MMP14: variants seen among roughly 807,000 people sequenced by gnomAD.
The protein encoded by MMP14 is matrix metalloproteinase-14.
MMP14 carries 13 observed loss-of-function variants against 64.8 expected under a neutral mutation model. The observed-to-expected ratio is 0.20, with a 90% CI of 0.13 to 0.32. The LOEUF is 0.32. Ranked by LOEUF, MMP14 falls within the 10% of genes least tolerant of loss-of-function variation. The pLI is 1.00. For synonymous variants in MMP14, 322 were observed against 315.9 expected, an observed-to-expected ratio of 1.02 and a Z score of -0.20; for missense variants, 594 against 783.8, an observed-to-expected ratio of 0.76 and a Z score of 2.89.
Position 22,846,006 on chromosome 14 carries a change from C to T in MMP14, c.1716C>T (p.Leu572=), listed in dbSNP as rs781504034. The T allele has an allele frequency of 9.2e-6, 14 of 1,518,678 alleles. No homozygotes were observed. In the Admixed American group the frequency reaches 2.3e-4, roughly 25 times the overall value. The allele number at this position is 1,518,678 out of a possible 1,614,324, so 94.1% of individuals were successfully genotyped here. Residue 572 remains leucine, a synonymous_variant, in exon 10 of 10, where the codon CTC becomes CTT. Transcript: ENST00000311852. ...GCCATGGGACCCCCAGGCGACTGCTCTACTGCCAGCGTTCCCTGCTGGACA... is the reference window on the plus strand; with the variant it reads ...GCCATGGGACCCCCAGGCGACTGCTTTACTGCCAGCGTTCCCTGCTGGACA... ...FRRHGTPRRL[L]YCQRSLLDKV is the part of the protein sequence containing the mutation.
chr14:22,838,140 A>G (rs1178097352), intron 1 of MMP14, among the ~76,000 whole-genome samples: 1 of 152,200 alleles, frequency 6.6e-6, no homozygotes, highest in African/African-American at 2.4e-5. Context: ...TGGAGTGCTC[A>G]GAGACCAGGG....
In MMP14 at chr14:22,843,847, C is replaced by T; in HGVS notation, c.988C>T (p.Arg330Ter). The stretch of plus-strand genomic sequence containing the variant: ...GAACTTTGACACCGTGGCCATGCTC[C>T]GAGGGGAGATGTTTGTCTTCAAGGT... Reference protein sequence around the residue: ...DGNFDTVAMLRGEMFVFKERW... With the variant: ...DGNFDTVAML Residue 330 changes from arginine to a stop codon, truncating the protein, a stop_gained, in exon 6 of 10, where the codon CGA (arginine) becomes TGA (stop). Coordinates refer to ENST00000311852, the MANE Select transcript of MMP14 (RefSeq NM_004995.4). LOFTEE classifies it high-confidence loss of function. This position sits in a 1 kb window ranked among gnomAD's most constrained non-coding sequence, Gnocchi z 4.8. The T allele has an allele frequency of 1.2e-6, 2 of 1,611,984 alleles. No homozygotes were observed. The highest frequency in any genetic ancestry group is 1.7e-6 in the Non-Finnish European group (2 of 1,179,532).
At chr14:22,838,370 C>T (rs914500686) in intron 1 of MMP14, among the ~76,000 whole-genome samples, 6 of 152,122 alleles carry the variant, frequency 3.9e-5, no homozygotes, top group Non-Finnish European at 7.4e-5. Flanking sequence ...GCCCTGGCTC[C>T]GTTTTAATTG....
chr14:22,841,817 T>C lies in MMP14; in HGVS notation c.258-96T>C, dbSNP rs758658459. On this transcript the variant is annotated intron_variant, in intron 2 of 9. Coordinates refer to ENST00000311852, the MANE Select transcript of MMP14 (RefSeq NM_004995.4). The stretch of plus-strand genomic sequence containing the variant: ...CTCATAACCTTGGCCTTTCCCCACA[T>C]TGACACACAGCAAGTCTTACCCAAC... 71 of 1,529,974 alleles carry C rather than the reference T, an allele frequency of 4.6e-5. No homozygotes were observed. In the East Asian group the frequency reaches 1.1e-3, roughly 25 times the overall value. The allele number at this position is 1,529,974 out of a possible 1,614,324, so 94.8% of individuals were successfully genotyped here.
Position 22,836,797 on chromosome 14 carries a change from C to G in MMP14, c.-21C>G. The G allele has an allele frequency of 1.3e-6, 2 of 1,537,992 alleles. No homozygotes were observed. Among genetic ancestry groups the G allele is most frequent in the Non-Finnish European group, 1.8e-6 (2 of 1,124,698 alleles). On this transcript the variant is annotated 5_prime_UTR_variant, in exon 1 of 10. Coordinates refer to ENST00000311852, the MANE Select transcript of MMP14 (RefSeq NM_004995.4). ...CGGCCGCGGAGCCCACACTGCCCGG[C>G]TGACCCGGTGGTCTCGGACCATGTC...
At chr14:22,845,194 G>A in intron 8 of MMP14, 57 bp from the exon 9 acceptor site, 1 of 1,329,502 alleles carries the variant, frequency 7.5e-7, no homozygotes, top group South Asian at 1.2e-5. Flanking sequence ...TCCGGGTCTT[G>A]CGCCTCCTGA....
chr14:22,846,173 C>T lies in MMP14; in HGVS notation c.*134C>T, dbSNP rs2039812414. ...GCAGCCTCCTTGCTTCTCTCTGTCCCCTGGCTGGCCTCCTTCACCCTGACC... is the reference window on the plus strand; with the variant it reads ...GCAGCCTCCTTGCTTCTCTCTGTCCTCTGGCTGGCCTCCTTCACCCTGACC... On this transcript the variant is annotated 3_prime_UTR_variant, in exon 10 of 10. Transcript: ENST00000311852. 2 of 872,074 alleles carry T rather than the reference C, an allele frequency of 2.3e-6. No individual in the cohort carries two copies. The highest frequency in any genetic ancestry group is 3.4e-6 in the Non-Finnish European group (2 of 588,720). 54.0% of individuals were successfully genotyped at this position (872,074 alleles called of 1,614,324 possible).
chr14:22,843,271 CTGGTGGCTGTGCACG>C lies in MMP14; in HGVS notation c.704_718del (p.Leu235_Glu240delinsGln). 2 of 1,613,774 alleles carry C rather than the reference CTGGTGGCTGTGCACG, an allele frequency of 1.2e-6. No individual in the cohort carries two copies. Among genetic ancestry groups the C allele is most frequent in the Non-Finnish European group, 1.7e-6 (2 of 1,179,788 alleles). ...CATCCTTCCAGGAAATGACATCTTC[CTGGTGGCTGTGCACG>C]AGCTGGGCCATGCCCTGGGGCTCGA... On this transcript the variant is annotated inframe_deletion, in exon 5 of 10. Coordinates refer to ENST00000311852, the MANE Select transcript of MMP14 (RefSeq NM_004995.4). The surrounding 1 kb of genome is among the most constrained non-coding windows in gnomAD (Gnocchi z 4.8).
intron 1 of MMP14, among the ~76,000 whole-genome samples, chr14:22,839,824 C>T (rs1205711596): frequency 6.6e-6 from 1 of 152,106 alleles, no homozygotes; most frequent in Non-Finnish European, 1.5e-5. Context: ...AGATCCCATC[C>T]TGGGCAACCT....
At chr14:22,839,567 C>T (rs2039758231) in intron 1 of MMP14, among the ~76,000 whole-genome samples, 1 of 152,206 alleles carries the variant, frequency 6.6e-6, no homozygotes, top group Non-Finnish European at 1.5e-5. Flanking sequence ...GGGTTGTTTA[C>T]ATCTCGGGTT....
intron 1 of MMP14, among the ~76,000 whole-genome samples, chr14:22,838,218 G>A (rs988110607): frequency 1.3e-5 from 2 of 152,144 alleles, no homozygotes; most frequent in African/African-American, 4.8e-5. Context: ...CCTCTTCCCA[G>A]GCCTAGAGTC....
chr14:22,838,725 A>C (rs960163280), intron 1 of MMP14, among the ~76,000 whole-genome samples: 3 of 152,100 alleles, frequency 2.0e-5, no homozygotes, highest in Non-Finnish European at 2.9e-5. Flanking sequence ...CAGCTCCAGG[A>C]CAGCCCTCTC....
At position 22,846,180 on chromosome 14, in the gene MMP14, G is replaced by A; in HGVS notation, c.*141G>A. 2.4e-6 allele frequency: 2 copies of A among 837,184 alleles called. No homozygotes were observed. Among genetic ancestry groups the A allele is most frequent in the Non-Finnish European group, 3.6e-6 (2 of 557,060 alleles). 51.9% of individuals were successfully genotyped at this position (837,184 alleles called of 1,614,324 possible). ...CCTTGCTTCTCTCTGTCCCCTGGCT[G>A]GCCTCCTTCACCCTGACCGCCTCCC... On this transcript the variant is annotated 3_prime_UTR_variant, in exon 10 of 10. Transcript: ENST00000311852.
chr14:22,842,060 T>C lies in MMP14; in HGVS notation c.380+25T>C. 1 of 1,614,008 alleles carries C rather than the reference T, an allele frequency of 6.2e-7. No homozygotes were observed. Among genetic ancestry groups the C allele is most frequent in the Non-Finnish European group, 8.5e-7 (1 of 1,179,900 alleles). On this transcript the variant is annotated intron_variant, in intron 3 of 9. Transcript: ENST00000311852. The surrounding 1 kb of genome is among the most constrained non-coding windows in gnomAD (Gnocchi z 5.3). ...GGTGAGTCCAACAGGCAAGCAACCT[T>C]TCTCACATCTGGTTATTATTTCCTA...
Position 22,844,460 on chromosome 14 carries a change from C to T in MMP14, c.1101C>T (p.Ser367=). The T allele has an allele frequency of 6.2e-7, 1 of 1,614,174 alleles. No homozygotes were observed. Among genetic ancestry groups the T allele is most frequent in the African/African-American group, 1.3e-5 (1 of 75,048 alleles). ...AGTTCTGGCGGGGCCTGCCTGCGTCCATCAACACTGCCTACGAGAGGAAGG... is the reference window on the plus strand; with the variant it reads ...AGTTCTGGCGGGGCCTGCCTGCGTCTATCAACACTGCCTACGAGAGGAAGG... ...IGQFWRGLPA[S]INTAYERKDG... is the part of the protein sequence containing the mutation. Residue 367 remains serine, a synonymous_variant, in exon 7 of 10, where the codon TCC becomes TCT. Coordinates refer to ENST00000311852, the MANE Select transcript of MMP14 (RefSeq NM_004995.4).
In MMP14 at chr14:22,845,895, G is replaced by A. The variant is rs1595016665; in HGVS notation, c.1605G>A (p.Gly535=). 6.2e-7 allele frequency: 1 copy of A among 1,612,796 alleles called. No homozygotes were observed. Residue 535 remains glycine (G), a synonymous_variant, in exon 10 of 10, where the codon GGG becomes GGA. Coordinates refer to ENST00000311852, the MANE Select transcript of MMP14 (RefSeq NM_004995.4). ...TTGAGGTGGACGAGGAGGGCGGCGG[G>A]GCGGTGAGCGCGGCTGCCGTGGTGC... ...IIIEVDEEGG[G]AVSAAAVVLP... is the part of the protein sequence containing the mutation.
Position 22,845,939 on chromosome 14 carries a change from T to C in MMP14, c.1649T>C (p.Leu550Pro), listed in dbSNP as rs1264627362. The C allele has an allele frequency of 6.2e-7, 1 of 1,600,340 alleles. No homozygotes were observed. Among genetic ancestry groups the C allele is most frequent in the Non-Finnish European group, 8.5e-7 (1 of 1,172,910 alleles). Residue 550 changes from leucine to proline, a missense_variant, in exon 10 of 10, where the codon CTC becomes CCC. Physicochemically the swap from Leu to Pro is moderately conservative, Grantham distance 98 (BLOSUM62 -3). Around this residue, in one of 4 missense-constraint regions of MMP14, gnomAD observed 364 missense variants for 425.2 expected, o/e 0.86. Coordinates refer to ENST00000311852, the MANE Select transcript of MMP14 (RefSeq NM_004995.4). ...AAVVLPVLLL[L>P]LVLAVGLAVF... Reference sequence around the variant, plus strand: ...GTGGTGCTGCCCGTGCTGCTGCTGCTCCTGGTGCTGGCGGTGGGCCTTGCA... The same window carrying C: ...GTGGTGCTGCCCGTGCTGCTGCTGCCCCTGGTGCTGGCGGTGGGCCTTGCA...
intron 6 of MMP14, 71 bp from the exon 7 acceptor site, chr14:22,844,300 G>C (rs1270651528): frequency 3.8e-6 from 6 of 1,590,946 alleles, no homozygotes; most frequent in Non-Finnish European, 1.7e-6. Flanking sequence ...CAGTGCGGGA[G>C]CTTTGGGGAC....
intron 8 of MMP14, 100 bp from the exon 9 acceptor site, chr14:22,845,151 C>T (rs1180896430): frequency 1.2e-5 from 10 of 847,624 alleles, no homozygotes; most frequent in South Asian, 1.1e-4. Context: ...CCCACCCTGT[C>T]CACAGCTATC....
Sources: allele counts gnomAD v4.1 joint callset (sites outside exome capture counted in the v4.1 genomes callset), GRCh38; gene constraint gnomAD v4.1.1; regional missense constraint gnomAD v4.1.1; non-coding constraint Gnocchi (gnomAD v3.1); transcripts MANE v1.5; gene names NCBI Gene and HGNC (gene_info 2026-07-23, HGNC 2026-07-21).